CSMD1: variants seen among roughly 807,000 people sequenced by gnomAD.
CSMD1 encodes CUB and Sushi multiple domains 1, also known as CUB and sushi domain-containing protein 1.
CSMD1 carries 213 observed loss-of-function variants against 417.5 expected under a neutral mutation model. The observed-to-expected ratio is 0.51, with a 90% confidence interval of 0.46 to 0.57. CSMD1 has a LOEUF of 0.57. CSMD1 is among the 20% of genes least tolerant of loss of function. The probability of loss-of-function intolerance (pLI) is 0.00; values close to 1 mark genes in which losing one functional copy is unlikely to be tolerated. For synonymous variants in CSMD1, 2,862 were observed against 1,736.8 expected (o/e 1.65, Z -16.11); for missense variants, 6,923 against 4,529.7 (o/e 1.53, Z -15.17).
In CSMD1 at chr8:4,920,853, A is replaced by G. The variant is rs192794162; in HGVS notation, c.85+73479T>C. ...AAGAAAAAGAGAACGAAAGAAAAGA[A>G]AAGAAAAGAAAAGAAAAGAAAAGAA... On this transcript the variant is annotated intron_variant, in intron 1 of 69. Transcript: ENST00000635120. Among the ~76,000 whole-genome samples the G allele has an allele frequency of 2.5e-3, 4 of 1,616 alleles. 1 individual carries two copies. Among genetic ancestry groups the G allele is most frequent in the Admixed American group, 0.034 (2 of 58 alleles). 1.1% of individuals were successfully genotyped at this position (1,616 alleles called of 152,430 possible).
chr8:4,039,906 G>C (rs551652399), intron 3 of CSMD1, among the ~76,000 whole-genome samples: 12 of 152,304 alleles, frequency 7.9e-5, no homozygotes, highest in Admixed American at 4.6e-4. Context: ...CTACATCTTA[G>C]AAAGGGGAAT....
chr8:3,943,436 A>AC (rs1481724353), intron 5 of CSMD1, among the ~76,000 whole-genome samples: 3 of 151,130 alleles, frequency 2.0e-5, no homozygotes, highest in Admixed American at 6.6e-5. Flanking sequence ...AAAAAAAAAA[A>AC]CAGAATTCCA....
chr8:3,491,626 G>A (rs754904935), intron 11 of CSMD1, among the ~76,000 whole-genome samples: 20 of 152,188 alleles, frequency 1.3e-4, no homozygotes, highest in Non-Finnish European at 2.5e-4. Flanking sequence ...CGTGTCCCTG[G>A]TGGAGTCCTC....
At chr8:4,029,185 G>C (rs1009262261) in intron 4 of CSMD1, among the ~76,000 whole-genome samples, 23 of 152,158 alleles carry the variant, frequency 1.5e-4, no homozygotes, top group African/African-American at 5.6e-4. Flanking sequence ...TCAAATCTTT[G>C]AATCCTACAA....
intron 2 of CSMD1, among the ~76,000 whole-genome samples, chr8:4,451,101 G>A (rs986927324): frequency 9.9e-5 from 15 of 152,136 alleles, no homozygotes; most frequent in African/African-American, 3.4e-4. Context: ...CAAGGCAGGA[G>A]GATTACTCCT....
intron 10 of CSMD1, among the ~76,000 whole-genome samples, chr8:3,513,497 G>A (rs10109447): frequency 2.6e-5 from 4 of 151,840 alleles, no homozygotes; most frequent in Non-Finnish European, 4.4e-5. Flanking sequence ...CCTTGTGATC[G>A]TGTGAGTCAA....
chr8:4,756,774 G>T (rs1038241917), intron 1 of CSMD1, among the ~76,000 whole-genome samples: 3 of 152,150 alleles, frequency 2.0e-5, no homozygotes, highest in Non-Finnish European at 4.4e-5. Context: ...GAGTCATCTT[G>T]GGCATTTTAG....
intron 8 of CSMD1, among the ~76,000 whole-genome samples, chr8:3,592,219 A>G (rs918852229): frequency 6.6e-6 from 1 of 152,092 alleles, no homozygotes; most frequent in African/African-American, 2.4e-5. Flanking sequence ...AAACAAGTGG[A>G]TAGATAGATA....
intron 38 of CSMD1, among the ~76,000 whole-genome samples, chr8:3,161,081 C>G (rs1046031968): frequency 6.6e-6 from 1 of 152,114 alleles, no homozygotes; most frequent in Non-Finnish European, 1.5e-5. Context: ...CCTGAATTAA[C>G]TGAAGAGCTG....
At chr8:4,443,475 C>T (rs1442198568) in intron 2 of CSMD1, among the ~76,000 whole-genome samples, 2 of 152,170 alleles carry the variant, frequency 1.3e-5, no homozygotes, top group African/African-American at 4.8e-5. Context: ...TTTATCTTTT[C>T]ATCTTATGTG....
chr8:4,971,657 C>G (rs148774141), intron 1 of CSMD1, among the ~76,000 whole-genome samples: 1,651 of 149,868 alleles, frequency 0.011, 27 homozygotes, highest in African/African-American at 0.038. Context: ...TTCTTACTTC[C>G]TTGCACACAT....
intron 2 of CSMD1, among the ~76,000 whole-genome samples, chr8:4,455,077 A>G (rs1799386565): frequency 6.6e-6 from 1 of 152,178 alleles, no homozygotes; most frequent in Non-Finnish European, 1.5e-5. Context: ...ACTTCGTGCT[A>G]TACAGGAATT....
At chr8:3,535,917 C>T (rs1798177475) in intron 10 of CSMD1, among the ~76,000 whole-genome samples, 2 of 152,142 alleles carry the variant, frequency 1.3e-5, no homozygotes, top group African/African-American at 4.8e-5. Context: ...GTGGATGCTG[C>T]TTCAAGGCTA....
chr8:3,468,082 A>G (rs751053400), intron 12 of CSMD1, among the ~76,000 whole-genome samples: 3 of 152,250 alleles, frequency 2.0e-5, no homozygotes, highest in Non-Finnish European at 2.9e-5. Context: ...TCCAAAGATC[A>G]CAACTATATA....
At chr8:3,436,536 A>T (rs962293926) in intron 12 of CSMD1, among the ~76,000 whole-genome samples, 1 of 152,168 alleles carries the variant, frequency 6.6e-6, no homozygotes, top group Non-Finnish European at 1.5e-5. Context: ...AGTGGCTTTA[A>T]CTATATCATT....
chr8:4,658,484 A>T (rs1052975673), intron 1 of CSMD1, among the ~76,000 whole-genome samples: 1 of 152,090 alleles, frequency 6.6e-6, no homozygotes, highest in African/African-American at 2.4e-5. Flanking sequence ...CAAAAACAAA[A>T]ACAAAAACTC....
At chr8:3,925,608 C>G (rs148822799) in intron 5 of CSMD1, among the ~76,000 whole-genome samples, 1,562 of 152,106 alleles carry the variant, frequency 0.01, 37 homozygotes, top group African/African-American at 0.036. Flanking sequence ...CTACTATTCT[C>G]GCAACAGTGA....
chr8:4,005,456 A>G (rs1327684223), intron 4 of CSMD1, among the ~76,000 whole-genome samples: 1 of 152,188 alleles, frequency 6.6e-6, no homozygotes, highest in Non-Finnish European at 1.5e-5. Context: ...CACTGTCTCA[A>G]CATGGTGGCC....
intron 3 of CSMD1, among the ~76,000 whole-genome samples, chr8:4,040,832 G>A (rs960676545): frequency 6.6e-6 from 1 of 152,052 alleles, no homozygotes; most frequent in Non-Finnish European, 1.5e-5. Flanking sequence ...GACTTTAGCA[G>A]CTCCGGACAA....
Sources: gnomAD v4.1 joint callset for allele counts (sites outside exome capture counted in the v4.1 genomes callset) on GRCh38, gnomAD v4.1.1 for gene constraint, MANE v1.5 for transcripts, NCBI Gene and HGNC (gene_info 2026-07-23, HGNC 2026-07-21) for gene names.